Variants in IL1RAPL2 observed in about 807,000 individuals in gnomAD.
IL1RAPL2 encodes the protein X-linked interleukin-1 receptor accessory protein-like 2.
A neutral mutation model predicts 44.1 loss-of-function variants in IL1RAPL2; 3 were observed. That is an observed-to-expected ratio of 0.07 (90% confidence interval 0.03 to 0.18). The LOEUF is 0.18. Ranked by LOEUF, IL1RAPL2 falls within the 10% of genes least tolerant of loss-of-function variation. The pLI is 1.00. For synonymous variants in IL1RAPL2, 181 were observed against 178.8 expected, an observed-to-expected ratio of 1.01 and a Z score of -0.10; for missense variants, 391 against 496.4, an observed-to-expected ratio of 0.79 and a Z score of 2.02.
chrX:105,246,453 A>G (rs962156844), intron 4 of IL1RAPL2, among the ~76,000 whole-genome samples: 7 of 111,839 alleles, frequency 6.3e-5, no homozygotes, highest in African/African-American at 1.9e-4. Context: ...TGGGAAATCA[A>G]TATCAAATCC....
chrX:105,668,580 A>G (rs182345031), intron 6 of IL1RAPL2, among the ~76,000 whole-genome samples: 208 of 112,627 alleles, frequency 1.8e-3, no homozygotes, highest in Admixed American at 6.1e-3. Flanking sequence ...AACTAACACA[A>G]TCCTTCCATA....
intron 5 of IL1RAPL2, among the ~76,000 whole-genome samples, chrX:105,472,427 A>G (rs2036171373): frequency 8.9e-6 from 1 of 111,782 alleles, no homozygotes. Flanking sequence ...TCCTACTTTG[A>G]AAAATTCCCA....
At chrX:104,669,190 T>C (rs917674277) in intron 2 of IL1RAPL2, among the ~76,000 whole-genome samples, 6 of 111,737 alleles carry the variant, frequency 5.4e-5, no homozygotes, top group African/African-American at 2.0e-4. Flanking sequence ...TTTCTTGACC[T>C]TTACTCAGAA....
chrX:105,022,163 C>T (rs1475604833), intron 2 of IL1RAPL2, among the ~76,000 whole-genome samples: 1 of 110,740 alleles, frequency 9.0e-6, no homozygotes, highest in Non-Finnish European at 1.9e-5. Context: ...TATATACACA[C>T]ATTATATATA....
At chrX:105,077,245 C>A (rs1335986579) in intron 2 of IL1RAPL2, among the ~76,000 whole-genome samples, 14 of 111,173 alleles carry the variant, frequency 1.3e-4, no homozygotes, top group Admixed American at 5.8e-4. Flanking sequence ...CCTGGTGGTG[C>A]CAAAATCTCT....
At chrX:105,473,479 A>G (rs1181082170) in intron 5 of IL1RAPL2, among the ~76,000 whole-genome samples, 1 of 112,208 alleles carries the variant, frequency 8.9e-6, no homozygotes, top group Admixed American at 9.5e-5. Context: ...AATAATGTTT[A>G]CCAAACAAAT....
intron 2 of IL1RAPL2, among the ~76,000 whole-genome samples, chrX:104,697,657 T>C: frequency 9.0e-6 from 1 of 111,388 alleles, no homozygotes; most frequent in East Asian, 2.8e-4. Context: ...TTGGAGCTTA[T>C]AGTCTAGGGT....
chrX:105,144,207 T>C (rs943209531), intron 2 of IL1RAPL2, among the ~76,000 whole-genome samples: 1 of 107,514 alleles, frequency 9.3e-6, no homozygotes, highest in African/African-American at 3.4e-5. Context: ...TGCCAATCTT[T>C]CCTGTGCTCT....
rs150807320 is a variant in IL1RAPL2, at chrX:104,605,069, T to C, written c.-20+38018T>C. 5.8e-4 allele frequency among the ~76,000 whole-genome samples: 65 copies of C among 111,875 alleles called. No individual in the cohort carries two copies. The East Asian group carries it at 9.0e-3, about 15-fold the overall frequency. Reference sequence around the variant, plus strand: ...CAAAAACTGACTGCATAATTGGAAGTAAAACACTCCTAAGCAAATGTAAAA... The same window carrying C: ...CAAAAACTGACTGCATAATTGGAAGCAAAACACTCCTAAGCAAATGTAAAA... On this transcript the variant is annotated intron_variant, in intron 1 of 10. Transcript: ENST00000372582.
intron 2 of IL1RAPL2, among the ~76,000 whole-genome samples, chrX:104,861,018 G>C (rs1244488364): frequency 9.0e-6 from 1 of 110,783 alleles, no homozygotes; most frequent in Non-Finnish European, 1.9e-5. Flanking sequence ...CTTCTGCCTA[G>C]TATTTTCCGC....
chrX:105,330,598 T>C (rs1467248085), intron 5 of IL1RAPL2, among the ~76,000 whole-genome samples: 2 of 111,629 alleles, frequency 1.8e-5, no homozygotes, highest in East Asian at 5.6e-4. Context: ...TGATTATTTT[T>C]ATATTTCATG....
At position 104,824,093 on chromosome X, in the gene IL1RAPL2, G is replaced by A. The variant is rs143729525; in HGVS notation, c.82+165098G>A. On this transcript the variant is annotated intron_variant, in intron 2 of 10. Coordinates refer to ENST00000372582, the MANE Select transcript of IL1RAPL2 (RefSeq NM_017416.2). ...ACCTAGTTTATTGATAGTTTTTAGCGGGAAGGGATTTGAATTTTATCAAAG... is the reference window on the plus strand; with the variant it reads ...ACCTAGTTTATTGATAGTTTTTAGCAGGAAGGGATTTGAATTTTATCAAAG... 7.8e-4 allele frequency among the ~76,000 whole-genome samples: 87 copies of A among 111,742 alleles called. No homozygotes were observed. The East Asian group carries it at 0.012, about 16-fold the overall frequency.
At chrX:104,859,905 C>T (rs1165349397) in intron 2 of IL1RAPL2, among the ~76,000 whole-genome samples, 7 of 111,747 alleles carry the variant, frequency 6.3e-5, no homozygotes, top group Non-Finnish European at 9.4e-5. Flanking sequence ...ACAGTCTGAC[C>T]TCTTAGTCAT....
At chrX:105,045,084 G>C (rs934884312) in intron 2 of IL1RAPL2, among the ~76,000 whole-genome samples, 1 of 110,887 alleles carries the variant, frequency 9.0e-6, no homozygotes, top group African/African-American at 3.3e-5. Context: ...ATTATTCAGA[G>C]AATTTGGTGA....
At chrX:104,977,093 GAT>G (rs777229333) in intron 2 of IL1RAPL2, among the ~76,000 whole-genome samples, 1 of 111,670 alleles carries the variant, frequency 9.0e-6, no homozygotes, top group East Asian at 2.8e-4. Flanking sequence ...TAACTTATCT[GAT>G]ATTGTGGGGA....
intron 2 of IL1RAPL2, among the ~76,000 whole-genome samples, chrX:105,191,272 A>G (rs1288157733): frequency 8.9e-6 from 1 of 112,519 alleles, no homozygotes; most frequent in Non-Finnish European, 1.9e-5. Flanking sequence ...CTGGAGTGCA[A>G]TGGCACGATC....
chrX:105,061,875 A>T lies in IL1RAPL2; in HGVS notation c.83-133600A>T, dbSNP rs1435770659. Among the ~76,000 whole-genome samples the T allele has an allele frequency of 4.5e-5, 5 of 111,834 alleles. No homozygotes were observed. The Admixed American group carries it at 4.7e-4, about 11-fold the overall frequency. ...GATACTGCTGCTCTTTTTGGTTTTC[A>T]TTGGCATGGAATATCTTTTTCCATC... On this transcript the variant is annotated intron_variant, in intron 2 of 10. Coordinates refer to ENST00000372582, the MANE Select transcript of IL1RAPL2 (RefSeq NM_017416.2).
intron 2 of IL1RAPL2, among the ~76,000 whole-genome samples, chrX:104,818,935 TAGTA>T (rs1921223773): frequency 8.9e-6 from 1 of 111,946 alleles, no homozygotes; most frequent in African/African-American, 3.3e-5. Flanking sequence ...GCCTGGCATA[TAGTA>T]AGTGTTCAAT....
chrX:105,469,094 G>C (rs1161571018), intron 5 of IL1RAPL2, among the ~76,000 whole-genome samples: 1 of 111,428 alleles, frequency 9.0e-6, no homozygotes, highest in Non-Finnish European at 1.9e-5. Context: ...AGAAAGGTAG[G>C]GTCCAGAACA....
Sources: allele counts gnomAD v4.1 joint callset (sites outside exome capture counted in the v4.1 genomes callset), GRCh38; gene constraint gnomAD v4.1.1; transcripts MANE v1.5; gene names NCBI Gene and HGNC (gene_info 2026-07-23, HGNC 2026-07-21).